The following ST6GALNAC3 variants were observed in gnomAD, a reference collection of about 807,000 sequenced individuals.
The protein encoded by ST6GALNAC3 is ST6 N-acetylgalactosaminide alpha-2,6-sialyltransferase 3.
A neutral mutation model predicts 32.7 loss-of-function variants in ST6GALNAC3; 25 were observed. The ratio of observed to expected loss-of-function variants is 0.76; its 90% CI spans 0.56 to 1.07. ST6GALNAC3 has a LOEUF of 1.07. Among genes scored for constraint, ST6GALNAC3 ranks in the 50% least tolerant of loss-of-function variants. ST6GALNAC3 has a pLI of 0.00. For synonymous variants in ST6GALNAC3, 129 were observed against 133.1 expected (o/e 0.97, Z 0.21); for missense variants, 355 against 382.4 (o/e 0.93, Z 0.60).
intron 3 of ST6GALNAC3, among the ~76,000 whole-genome samples, chr1:76,543,923 T>G (rs972009827): frequency 1.3e-5 from 2 of 152,180 alleles, no homozygotes; most frequent in Admixed American, 1.3e-4. Context: ...TCCTTTTCAC[T>G]CATTTGTTAA....
intron 3 of ST6GALNAC3, among the ~76,000 whole-genome samples, chr1:76,601,050 T>C (rs2100628382): frequency 6.6e-6 from 1 of 152,062 alleles, no homozygotes; most frequent in Admixed American, 6.6e-5. Flanking sequence ...ATACAAAAAT[T>C]AGCCAGGCAT....
At chr1:76,428,646 C>T (rs546277233) in intron 3 of ST6GALNAC3, among the ~76,000 whole-genome samples, 1 of 151,956 alleles carries the variant, frequency 6.6e-6, no homozygotes, top group East Asian at 1.9e-4. Context: ...TAATAGAAAA[C>T]CTTATAAATA....
At chr1:76,351,269 T>C (rs752375707) in intron 2 of ST6GALNAC3, among the ~76,000 whole-genome samples, 2 of 152,184 alleles carry the variant, frequency 1.3e-5, no homozygotes, top group African/African-American at 2.4e-5. Context: ...TTTTTGAAGA[T>C]TTCAAAGAAC....
intron 2 of ST6GALNAC3, among the ~76,000 whole-genome samples, chr1:76,392,066 CT>C (rs1261247971): frequency 2.0e-5 from 3 of 152,134 alleles, no homozygotes; most frequent in Admixed American, 6.5e-5. Context: ...CTGTGCTGTT[CT>C]TTGCAGGATC....
intron 3 of ST6GALNAC3, among the ~76,000 whole-genome samples, chr1:76,618,668 T>G (rs1361928375): frequency 6.6e-6 from 1 of 152,146 alleles, no homozygotes; most frequent in Non-Finnish European, 1.5e-5. Flanking sequence ...TTTGGGCTCA[T>G]GTTGATCCCA....
chr1:76,481,906 G>A (rs147316470), intron 3 of ST6GALNAC3, among the ~76,000 whole-genome samples: 3 of 152,110 alleles, frequency 2.0e-5, no homozygotes, highest in Non-Finnish European at 2.9e-5. Flanking sequence ...CCCTAGTCTC[G>A]ACAACTAATC....
intron 1 of ST6GALNAC3, among the ~76,000 whole-genome samples, chr1:76,267,155 C>T (rs1402163919): frequency 6.6e-6 from 1 of 152,216 alleles, no homozygotes; most frequent in Non-Finnish European, 1.5e-5. Flanking sequence ...ACATCCTGAC[C>T]TCTTTGACTC....
At chr1:76,532,778 G>A (rs915335) in intron 3 of ST6GALNAC3, among the ~76,000 whole-genome samples, 1 of 151,860 alleles carries the variant, frequency 6.6e-6, no homozygotes, top group African/African-American at 2.4e-5. Flanking sequence ...AATGGTATTG[G>A]GTATATTTAC....
intron 2 of ST6GALNAC3, among the ~76,000 whole-genome samples, chr1:76,356,532 T>A (rs958740698): frequency 6.0e-5 from 9 of 151,238 alleles, no homozygotes; most frequent in African/African-American, 2.2e-4. Flanking sequence ...TTATAGGATG[T>A]TGGATTTGTT....
chr1:76,374,493 T>C (rs1196440317), intron 2 of ST6GALNAC3, among the ~76,000 whole-genome samples: 1 of 152,212 alleles, frequency 6.6e-6, no homozygotes, highest in African/African-American at 2.4e-5. Context: ...TATTACACTT[T>C]TATAATCATG....
At chr1:76,527,972 T>C (rs922308618) in intron 3 of ST6GALNAC3, among the ~76,000 whole-genome samples, 1 of 152,164 alleles carries the variant, frequency 6.6e-6, no homozygotes, top group African/African-American at 2.4e-5. Context: ...TACATATTAG[T>C]ATGCTACGTG....
chr1:76,155,959 C>T (rs1476194689), intron 1 of ST6GALNAC3, among the ~76,000 whole-genome samples: 1 of 152,022 alleles, frequency 6.6e-6, no homozygotes, highest in East Asian at 1.9e-4. Flanking sequence ...CCCAGGATAC[C>T]GCCTTACCTT....
intron 2 of ST6GALNAC3, among the ~76,000 whole-genome samples, chr1:76,322,354 G>T (rs1646983425): frequency 6.6e-6 from 1 of 152,104 alleles, no homozygotes; most frequent in African/African-American, 2.4e-5. Flanking sequence ...ATTGTGCTAA[G>T]GATCAGCAAT....
Position 76,628,709 on chromosome 1 carries a change from A to G in ST6GALNAC3, c.821A>G (p.Tyr274Cys). Reference sequence around the variant, plus strand: ...TATTTTCTTCATGAACATGCCCCATATGGGGGTCATAGGTTTATCACTGAA... The same window carrying G: ...TATTTTCTTCATGAACATGCCCCATGTGGGGGTCATAGGTTTATCACTGAA... ...DEYFLHEHAP[Y>C]GGHRFITEKK... Residue 274 changes from tyrosine to cysteine, a missense_variant, in exon 5 of 5, where the codon TAT becomes TGT. Coordinates refer to ENST00000328299, the MANE Select transcript of ST6GALNAC3 (RefSeq NM_152996.4). 1 of 1,612,514 alleles carries G rather than the reference A, an allele frequency of 6.2e-7. No homozygotes were observed.
rs77886636 is a variant in ST6GALNAC3 at position 76,152,397 on chromosome 1, G to A, written c.18+77513G>A. Among the ~76,000 whole-genome samples the A allele has an allele frequency of 7.2e-3, 1,101 of 152,312 alleles. 10 individuals are homozygous for A. Among genetic ancestry groups the A allele is most frequent in the East Asian group, 0.045 (234 of 5,176 alleles). On this transcript the variant is annotated intron_variant, in intron 1 of 4. Transcript: ENST00000328299. ...CTTCTAAACATGTCCTGCCAGGTGG[G>A]TGATGAGGTAAAGACTGCCCAGGCG...
chr1:76,156,793 G>T (rs772480111), intron 1 of ST6GALNAC3, among the ~76,000 whole-genome samples: 1 of 152,076 alleles, frequency 6.6e-6, no homozygotes, highest in Non-Finnish European at 1.5e-5. Flanking sequence ...GTACAGTGGC[G>T]CGATCTTGGC....
intron 3 of ST6GALNAC3, among the ~76,000 whole-genome samples, chr1:76,451,210 A>G (rs1001239525): frequency 1.3e-5 from 2 of 152,242 alleles, no homozygotes; most frequent in Non-Finnish European, 2.9e-5. Flanking sequence ...TAAGAAAGAC[A>G]TACCTGAGAC....
At chr1:76,241,596 A>G (rs1484539403) in intron 1 of ST6GALNAC3, among the ~76,000 whole-genome samples, 1 of 152,170 alleles carries the variant, frequency 6.6e-6, no homozygotes, top group Non-Finnish European at 1.5e-5. Context: ...AATTTCAATA[A>G]GAGATTTGGA....
intron 3 of ST6GALNAC3, among the ~76,000 whole-genome samples, chr1:76,514,261 A>G (rs1367624743): frequency 6.6e-6 from 1 of 152,030 alleles, no homozygotes; most frequent in East Asian, 1.9e-4. Context: ...TAATTTGTGG[A>G]GAGTTTTTAT....
Sources: gnomAD v4.1 joint callset for allele counts (sites outside exome capture counted in the v4.1 genomes callset) on GRCh38, gnomAD v4.1.1 for gene constraint, MANE v1.5 for transcripts, NCBI Gene and HGNC (gene_info 2026-07-23, HGNC 2026-07-21) for gene names.